Variants in NCKAP5 observed in about 807,000 individuals in gnomAD.
NCKAP5 encodes nck-associated protein 5.
NCKAP5 carries 92 observed loss-of-function variants against 167.0 expected under a neutral mutation model. The ratio of observed to expected loss-of-function variants is 0.55; its 90% CI spans 0.47 to 0.66. NCKAP5 has a LOEUF of 0.66. Ranked by LOEUF, NCKAP5 falls within the 30% of genes least tolerant of loss-of-function variation. The pLI is 0.00. For missense variants in NCKAP5, 2,378 were observed against 2,315.0 expected, an observed-to-expected ratio of 1.03 and a Z score of -0.56; for synonymous variants, 891 against 877.4, an observed-to-expected ratio of 1.02 and a Z score of -0.27.
intron 5 of NCKAP5, among the ~76,000 whole-genome samples, chr2:133,188,651 C>CT (rs1430312617): frequency 6.6e-6 from 1 of 152,134 alleles, no homozygotes; most frequent in Non-Finnish European, 1.5e-5. Flanking sequence ...CGCTCAACTA[C>CT]ATGGAAACTG....
At chr2:133,354,762 T>C (rs558230298) in intron 3 of NCKAP5, among the ~76,000 whole-genome samples, 1 of 152,166 alleles carries the variant, frequency 6.6e-6, no homozygotes, top group Admixed American at 6.5e-5. Flanking sequence ...ACATTAAAGT[T>C]ATACAGGAAG....
intron 16 of NCKAP5, among the ~76,000 whole-genome samples, chr2:132,736,801 G>T (rs72989503): frequency 3.6e-4 from 54 of 152,074 alleles, no homozygotes; most frequent in African/African-American, 1.3e-3. Context: ...AACAAAACAA[G>T]AAACAAAATG....
At chr2:133,213,857 T>C in intron 4 of NCKAP5, 78 bp from the exon 5 acceptor site, 1 of 1,401,086 alleles carries the variant, frequency 7.1e-7, no homozygotes, top group Non-Finnish European at 1.0e-6. Context: ...AAACATTCTT[T>C]TGAGGTCTCT....
At chr2:133,569,689 A>T (rs911181069), upstream of NCKAP5, among the ~76,000 whole-genome samples, 5 of 152,172 alleles carry the variant, frequency 3.3e-5, no homozygotes, top group Admixed American at 3.3e-4. Context: ...CAATGACCTC[A>T]CATCTCACTA....
chr2:133,578,198 C>T, the NCKAP5 span, among the ~76,000 whole-genome samples: 2 of 152,178 alleles, frequency 1.3e-5, no homozygotes, highest in Non-Finnish European at 2.9e-5. Flanking sequence ...ACTCTAGTTC[C>T]TATGGTAACA....
At chr2:133,478,421 T>C (rs567772410) in intron 3 of NCKAP5, among the ~76,000 whole-genome samples, 1 of 152,168 alleles carries the variant, frequency 6.6e-6, no homozygotes, top group Non-Finnish European at 1.5e-5. Flanking sequence ...AGTCAGTAAC[T>C]CCAACATTTA....
chr2:133,419,810 C>CA (rs1220059353), intron 3 of NCKAP5, among the ~76,000 whole-genome samples: 3 of 152,156 alleles, frequency 2.0e-5, no homozygotes, highest in East Asian at 1.9e-4. Flanking sequence ...AACAAAGAAA[C>CA]AAAAAAACAT....
chr2:132,736,615 C>T (rs1397447683), intron 16 of NCKAP5, among the ~76,000 whole-genome samples: 1 of 143,072 alleles, frequency 7.0e-6, no homozygotes, highest in Non-Finnish European at 1.5e-5. Flanking sequence ...CCCATCTCTA[C>T]TAAAAATACA....
chr2:133,467,976 A>C (rs1192321523), intron 3 of NCKAP5, among the ~76,000 whole-genome samples: 1 of 116,226 alleles, frequency 8.6e-6, no homozygotes, highest in Non-Finnish European at 1.8e-5. Flanking sequence ...TGGATTCATT[A>C]ATTTTTTGAA....
At chr2:132,946,641 A>G (rs1697755583) in intron 8 of NCKAP5, among the ~76,000 whole-genome samples, 1 of 152,182 alleles carries the variant, frequency 6.6e-6, no homozygotes, top group African/African-American at 2.4e-5. Context: ...TCACACCGGT[A>G]ATCCTAGTAC....
chr2:133,557,194 C>T (rs1425875547), intron 2 of NCKAP5, among the ~76,000 whole-genome samples: 1 of 152,180 alleles, frequency 6.6e-6, no homozygotes, highest in Admixed American at 6.5e-5. Flanking sequence ...AATCTGCAGA[C>T]ATTCACATCA....
At chr2:133,232,444 G>T (rs983837023) in intron 4 of NCKAP5, among the ~76,000 whole-genome samples, 2 of 152,152 alleles carry the variant, frequency 1.3e-5, no homozygotes, top group Non-Finnish European at 2.9e-5. Context: ...AACAGACAAA[G>T]TTAGGAACTG....
At chr2:133,444,403 G>GATAGATAGATAGATAGAT (rs1238853091) in intron 3 of NCKAP5, among the ~76,000 whole-genome samples, 5 of 105,276 alleles carry the variant, frequency 4.7e-5, no homozygotes, top group African/African-American at 2.0e-4. Flanking sequence ...TAGATAGATA[G>GATAGATAGATAGATAGAT]ATAGATATAG....
intron 11 of NCKAP5, among the ~76,000 whole-genome samples, chr2:132,834,017 A>AT (rs1391022845): frequency 6.6e-6 from 1 of 152,026 alleles, no homozygotes; most frequent in Non-Finnish European, 1.5e-5. Flanking sequence ...TGTTTGTGTC[A>AT]TTTTCAATTT....
At chr2:132,837,310 G>T (rs974402577) in intron 11 of NCKAP5, among the ~76,000 whole-genome samples, 1 of 151,854 alleles carries the variant, frequency 6.6e-6, no homozygotes, top group Non-Finnish European at 1.5e-5. Flanking sequence ...TACTTATTTC[G>T]CAATTATCTT....
intron 3 of NCKAP5, among the ~76,000 whole-genome samples, chr2:133,442,478 TA>T (rs780251111): frequency 6.6e-6 from 1 of 152,302 alleles, no homozygotes; most frequent in South Asian, 2.1e-4. Context: ...GGTTCTCAAC[TA>T]GGGAAGAATT....
chr2:132,930,472 A>G (rs1010137680), intron 8 of NCKAP5: 1 of 152,192 alleles, frequency 6.6e-6, no homozygotes, highest in Non-Finnish European at 1.5e-5. Context: ...CAGAAAAGGT[A>G]AAAAGGTGGA....
At chr2:132,775,038 G>A (rs555529091) in intron 15 of NCKAP5, among the ~76,000 whole-genome samples, 2 of 152,288 alleles carry the variant, frequency 1.3e-5, no homozygotes, top group East Asian at 3.9e-4. Context: ...TAGAGGTAAT[G>A]GCGCTACATA....
chr2:133,160,113 G>T (rs1574225494), intron 5 of NCKAP5, among the ~76,000 whole-genome samples: 1 of 152,022 alleles, frequency 6.6e-6, no homozygotes, highest in African/African-American at 2.4e-5. Flanking sequence ...ACACAAACTG[G>T]GTGACATAGA....
Sources: gnomAD v4.1 joint callset for allele counts (sites outside exome capture counted in the v4.1 genomes callset) on GRCh38, gnomAD v4.1.1 for gene constraint, MANE v1.5 for transcripts, NCBI Gene and HGNC (gene_info 2026-07-23, HGNC 2026-07-21) for gene names.